The following PDSS2 variants were observed in gnomAD, a reference collection of about 807,000 sequenced individuals.
PDSS2 encodes the protein decaprenyl diphosphate synthase subunit 2, also known as all trans-polyprenyl-diphosphate synthase PDSS2.
PDSS2 carries 31 observed loss-of-function variants against 44.5 expected under a neutral mutation model. The ratio of observed to expected loss-of-function variants is 0.70; its 90% CI spans 0.52 to 0.94. The LOEUF is 0.94. Ranked by LOEUF, PDSS2 falls within the 40% of genes least tolerant of loss-of-function variation. The pLI is 0.00. For synonymous variants in PDSS2, 157 were observed against 180.3 expected (o/e 0.87, Z 1.03); for missense variants, 452 against 482.2 (o/e 0.94, Z 0.59).
chr6:107,170,606 A>AC (rs201361243), intron 7 of PDSS2, among the ~76,000 whole-genome samples: 98 of 96,534 alleles, frequency 1.0e-3, no homozygotes, highest in South Asian at 5.8e-3. Context: ...TCTTGGAACC[A>AC]CCCCCCCCCC....
rs540845793 is a variant in PDSS2 at position 107,226,182 on chromosome 6, G to A, written c.703-13900C>T. 2.6e-4 allele frequency among the ~76,000 whole-genome samples: 39 copies of A among 152,226 alleles called. No homozygotes were observed. In the South Asian group the frequency reaches 6.0e-3, roughly 24 times the overall value. ...AAATTAGCTGGGCGTGGTAGCAGGC[G>A]CCTGTAGTCCCAGCTACTCGGGAGG... On this transcript the variant is annotated intron_variant, in intron 4 of 7. Transcript: ENST00000369037.
chr6:107,431,910 C>T (rs1439622096), intron 1 of PDSS2, among the ~76,000 whole-genome samples: 1 of 152,186 alleles, frequency 6.6e-6, no homozygotes, highest in African/African-American at 2.4e-5. Context: ...GTTCACATAG[C>T]TAGGAAATGG....
chr6:107,395,465 A>G (rs1024808543), intron 1 of PDSS2, among the ~76,000 whole-genome samples: 1 of 152,040 alleles, frequency 6.6e-6, no homozygotes, highest in South Asian at 2.1e-4. Flanking sequence ...ACATTTTTTC[A>G]TCTTCTGTCT....
chr6:107,205,507 C>T (rs1167203232), intron 6 of PDSS2, among the ~76,000 whole-genome samples: 1 of 152,158 alleles, frequency 6.6e-6, no homozygotes, highest in African/African-American at 2.4e-5. Context: ...AATGACTTCA[C>T]CTCCCCAGGG....
chr6:107,250,034 A>C (rs946646464), intron 3 of PDSS2, among the ~76,000 whole-genome samples: 2 of 152,204 alleles, frequency 1.3e-5, no homozygotes, highest in African/African-American at 4.8e-5. Flanking sequence ...GGGTAACTAC[A>C]ATTCAATGAT....
At chr6:107,396,353 C>T (rs1206488280) in intron 1 of PDSS2, among the ~76,000 whole-genome samples, 4 of 152,198 alleles carry the variant, frequency 2.6e-5, no homozygotes, top group Non-Finnish European at 5.9e-5. Flanking sequence ...CCCTTCCCTG[C>T]ACCAAGATCT....
At chr6:107,305,870 C>A (rs114878849) in intron 2 of PDSS2, among the ~76,000 whole-genome samples, 1 of 152,182 alleles carries the variant, frequency 6.6e-6, no homozygotes, top group South Asian at 2.1e-4. Context: ...CAGTCTAGTG[C>A]GGAGGGGCCT....
chr6:107,406,577 A>G (rs980778779), intron 1 of PDSS2, among the ~76,000 whole-genome samples: 2 of 152,242 alleles, frequency 1.3e-5, no homozygotes, highest in African/African-American at 2.4e-5. Context: ...ATGATAGAAT[A>G]TGGGAGTTAG....
At chr6:107,229,814 C>T (rs888423713) in intron 4 of PDSS2, 1 of 153,292 alleles carries the variant, frequency 6.5e-6, no homozygotes, top group Non-Finnish European at 1.5e-5. Context: ...CTGACTACTT[C>T]AGTGGAAATA....
chr6:107,344,680 C>T (rs1472764834), intron 1 of PDSS2, among the ~76,000 whole-genome samples: 2 of 152,092 alleles, frequency 1.3e-5, no homozygotes, highest in African/African-American at 2.4e-5. Flanking sequence ...GGGTAGGGTG[C>T]AGGGGTTGTT....
At chr6:107,161,883 G>A (rs1771147424) in intron 7 of PDSS2, among the ~76,000 whole-genome samples, 1 of 152,138 alleles carries the variant, frequency 6.6e-6, no homozygotes, top group Non-Finnish European at 1.5e-5. Flanking sequence ...GTCTGTGTGT[G>A]TGTTTTCTGA....
At chr6:107,342,763 T>C (rs1778120123) in intron 1 of PDSS2, among the ~76,000 whole-genome samples, 1 of 152,136 alleles carries the variant, frequency 6.6e-6, no homozygotes, top group Admixed American at 6.6e-5. Flanking sequence ...AGTTCAAAAT[T>C]CTAAATTCTA....
intron 4 of PDSS2, among the ~76,000 whole-genome samples, chr6:107,212,919 A>T (rs2114639783): frequency 6.6e-6 from 1 of 151,908 alleles, no homozygotes; most frequent in East Asian, 2.0e-4. Context: ...CAGGAAGATC[A>T]CTTGAGCCCA....
chr6:107,425,610 G>A (rs1477578324), intron 1 of PDSS2, among the ~76,000 whole-genome samples: 1 of 152,176 alleles, frequency 6.6e-6, no homozygotes, highest in Non-Finnish European at 1.5e-5. Flanking sequence ...CTGTTAAACG[G>A]ATTCAGTTTT....
At chr6:107,305,395 G>A (rs1035029474) in intron 2 of PDSS2, among the ~76,000 whole-genome samples, 4 of 152,000 alleles carry the variant, frequency 2.6e-5, no homozygotes, top group South Asian at 2.1e-4. Context: ...GGGAAGAACC[G>A]TAAGTCATTT....
chr6:107,284,945 A>G (rs1484181428), intron 2 of PDSS2, among the ~76,000 whole-genome samples: 1 of 152,194 alleles, frequency 6.6e-6, no homozygotes, highest in Non-Finnish European at 1.5e-5. Flanking sequence ...CAGCTCTCTG[A>G]GGTAAGCTTT....
intron 2 of PDSS2, among the ~76,000 whole-genome samples, chr6:107,294,802 T>C (rs879381575): frequency 6.6e-6 from 1 of 152,212 alleles, no homozygotes; most frequent in Non-Finnish European, 1.5e-5. Flanking sequence ...TAAAATACTT[T>C]TGCTGAGGTA....
At chr6:107,343,643 A>G (rs986308153) in intron 1 of PDSS2, among the ~76,000 whole-genome samples, 2 of 152,230 alleles carry the variant, frequency 1.3e-5, no homozygotes, top group African/African-American at 2.4e-5. Flanking sequence ...ATAAAAGAAT[A>G]CAAAATTGTA....
intron 1 of PDSS2, among the ~76,000 whole-genome samples, chr6:107,438,440 C>T (rs184550591): frequency 6.6e-6 from 1 of 152,234 alleles, no homozygotes; most frequent in Admixed American, 6.5e-5. Flanking sequence ...GTCTCGAACT[C>T]TTGATCTGAA....
Sources: allele counts gnomAD v4.1 joint callset (sites outside exome capture counted in the v4.1 genomes callset), GRCh38; gene constraint gnomAD v4.1.1; transcripts MANE v1.5; gene names NCBI Gene and HGNC (gene_info 2026-07-23, HGNC 2026-07-21).